CSMD3: variants seen among roughly 807,000 people sequenced by gnomAD.
CSMD3 encodes the protein CUB and sushi domain-containing protein 3.
A neutral mutation model predicts 435.2 loss-of-function variants in CSMD3; 177 were observed. That is an observed-to-expected ratio of 0.41 (90% CI 0.36 to 0.46). The LOEUF (loss-of-function observed/expected upper bound fraction) is 0.46. Among genes scored for constraint, CSMD3 ranks in the 20% least tolerant of loss-of-function variants. The probability of loss-of-function intolerance (pLI) is 0.34; values close to 1 mark genes in which losing one functional copy is unlikely to be tolerated. For synonymous variants in CSMD3, 1,656 were observed against 1,520.5 expected, an observed-to-expected ratio of 1.09 and a Z score of -2.07; for missense variants, 4,265 against 4,504.6, an observed-to-expected ratio of 0.95 and a Z score of 1.52.
intron 3 of CSMD3, among the ~76,000 whole-genome samples, chr8:113,185,948 C>T (rs1430707089): frequency 1.3e-5 from 2 of 151,968 alleles, no homozygotes; most frequent in Non-Finnish European, 2.9e-5. Context: ...GGGAATCTGC[C>T]CCGTATCTGT....
intron 6 of CSMD3, among the ~76,000 whole-genome samples, chr8:112,990,817 C>T (rs1285118689): frequency 6.6e-6 from 1 of 151,780 alleles, no homozygotes; most frequent in Non-Finnish European, 1.5e-5. Context: ...ATAATAATGC[C>T]AGCAGACACA....
At position 113,308,087 on chromosome 8, in the gene CSMD3, T is replaced by C. The variant is rs558367012; in HGVS notation, c.401+6484A>G. ...AGACTGCAATTTTTTTAATTCTAAGTTCTGTTTCATACTTGGGGAATTTAT... is the reference window on the plus strand; with the variant it reads ...AGACTGCAATTTTTTTAATTCTAAGCTCTGTTTCATACTTGGGGAATTTAT... On this transcript the variant is annotated intron_variant, in intron 2 of 70. Coordinates refer to ENST00000297405, the MANE Select transcript of CSMD3 (RefSeq NM_198123.2). 1.4e-3 allele frequency among the ~76,000 whole-genome samples: 209 copies of C among 152,142 alleles called. 1 individual carries two copies. The highest frequency in any genetic ancestry group is 4.8e-3 in the African/African-American group (200 of 41,520).
intron 38 of CSMD3, among the ~76,000 whole-genome samples, chr8:112,373,945 C>A (rs1828697472): frequency 6.6e-6 from 1 of 152,106 alleles, no homozygotes; most frequent in Admixed American, 6.6e-5. Flanking sequence ...AGCACTTGAT[C>A]CACCAAACAG....
rs536527287 is a variant in CSMD3, at chr8:112,303,862, A to G, written c.8266+859T>C. Among the ~76,000 whole-genome samples, 243 of 152,174 alleles carry G rather than the reference A, an allele frequency of 1.6e-3. 1 individual carries two copies. The highest frequency in any genetic ancestry group is 5.5e-3 in the African/African-American group (227 of 41,528). On this transcript the variant is annotated intron_variant, in intron 52 of 70. Coordinates refer to ENST00000297405, the MANE Select transcript of CSMD3 (RefSeq NM_198123.2). ...CCCTAGGTAGACCTTTGATCTCTTT[A>G]TTAGTTTGTCTATAAATCATGGGTC...
At chr8:112,290,286 C>G (rs1252983683) in intron 56 of CSMD3, among the ~76,000 whole-genome samples, 1 of 151,778 alleles carries the variant, frequency 6.6e-6, no homozygotes, top group Non-Finnish European at 1.5e-5. Context: ...CACATGAGGA[C>G]ACAAAAACTT....
At chr8:112,286,402 TC>T (rs1268199780) in intron 58 of CSMD3, among the ~76,000 whole-genome samples, 1 of 152,094 alleles carries the variant, frequency 6.6e-6, no homozygotes, top group Non-Finnish European at 1.5e-5. Context: ...TATCATGTCG[TC>T]CCACATGGAA....
At chr8:113,323,392 C>G (rs1210216689) in intron 1 of CSMD3, among the ~76,000 whole-genome samples, 2 of 152,148 alleles carry the variant, frequency 1.3e-5, no homozygotes, top group African/African-American at 2.4e-5. Context: ...TAGTGGCCAA[C>G]AAAATTACCT....
chr8:112,410,958 G>T (rs969862658), intron 32 of CSMD3, among the ~76,000 whole-genome samples: 2 of 149,980 alleles, frequency 1.3e-5, no homozygotes, highest in Non-Finnish European at 3.0e-5. Flanking sequence ...AGCTTTTTGG[G>T]AAATCATTAA....
At chr8:112,400,307 G>A (rs1219597543) in intron 35 of CSMD3, among the ~76,000 whole-genome samples, 1 of 152,004 alleles carries the variant, frequency 6.6e-6, no homozygotes, top group Admixed American at 6.6e-5. Context: ...AAATATCCCT[G>A]GTGTTGCTTT....
chr8:112,361,572 CATATATATATATATATATAT>C (rs4030099), intron 38 of CSMD3, among the ~76,000 whole-genome samples: 1,333 of 107,170 alleles, frequency 0.012, 57 homozygotes, highest in African/African-American at 0.043. Flanking sequence ...TATACACATA[CATATATATATATATATATAT>C]ATATATATAT....
chr8:112,683,371 G>A (rs2131791943), intron 15 of CSMD3, among the ~76,000 whole-genome samples: 1 of 151,990 alleles, frequency 6.6e-6, no homozygotes, highest in Non-Finnish European at 1.5e-5. Context: ...TGTATCCCCT[G>A]GACCGGATTT....
At chr8:113,195,771 T>A (rs927699179) in intron 3 of CSMD3, among the ~76,000 whole-genome samples, 12 of 144,240 alleles carry the variant, frequency 8.3e-5, no homozygotes, top group Non-Finnish European at 1.4e-4. Context: ...TACATATATA[T>A]AATATTCATA....
chr8:113,054,020 C>G (rs1379639553), intron 5 of CSMD3, among the ~76,000 whole-genome samples: 1 of 152,100 alleles, frequency 6.6e-6, no homozygotes, highest in Admixed American at 6.6e-5. Flanking sequence ...CAGCCCTGGC[C>G]TAGTTCTTCA....
chr8:112,734,980 A>G (rs1375983388), intron 13 of CSMD3, among the ~76,000 whole-genome samples: 1 of 152,012 alleles, frequency 6.6e-6, no homozygotes, highest in Non-Finnish European at 1.5e-5. Context: ...CGTAGTAGGA[A>G]GAGCTCATTG....
At chr8:112,948,523 G>A (rs1377616864) in intron 8 of CSMD3, among the ~76,000 whole-genome samples, 1 of 151,922 alleles carries the variant, frequency 6.6e-6, no homozygotes, top group Non-Finnish European at 1.5e-5. Context: ...CTTCAAAGCA[G>A]AAAGTCAAAG....
At chr8:112,554,949 C>T (rs1266304977) in intron 25 of CSMD3, among the ~76,000 whole-genome samples, 1 of 151,742 alleles carries the variant, frequency 6.6e-6, no homozygotes, top group African/African-American at 2.4e-5. Flanking sequence ...TAATCATAGG[C>T]CAAGTGTTAA....
intron 3 of CSMD3, among the ~76,000 whole-genome samples, chr8:113,205,131 C>T: frequency 6.6e-6 from 1 of 151,964 alleles, no homozygotes; most frequent in East Asian, 1.9e-4. Context: ...TTACATACAC[C>T]CGTCACCCTG....
At chr8:112,877,284 T>G (rs2130139094) in intron 10 of CSMD3, among the ~76,000 whole-genome samples, 1 of 151,970 alleles carries the variant, frequency 6.6e-6, no homozygotes, top group African/African-American at 2.4e-5. Flanking sequence ...TTTTTTAATT[T>G]GAGAAAGTTT....
At chr8:113,418,837 A>T (rs1796973961) in intron 1 of CSMD3, among the ~76,000 whole-genome samples, 1 of 152,208 alleles carries the variant, frequency 6.6e-6, no homozygotes, top group Admixed American at 6.5e-5. Context: ...TCAATGGTCA[A>T]AGAAGAATGA....
Sources: allele counts gnomAD v4.1 joint callset (sites outside exome capture counted in the v4.1 genomes callset), GRCh38; gene constraint gnomAD v4.1.1; transcripts MANE v1.5; gene names NCBI Gene and HGNC (gene_info 2026-07-23, HGNC 2026-07-21).